MAGED1: variants seen among roughly 807,000 people sequenced by gnomAD.
MAGED1 encodes the protein MAGE family member D1.
A neutral mutation model predicts 54.1 loss-of-function variants in MAGED1; 3 were observed. That is an observed-to-expected ratio of 0.06 (90% CI 0.03 to 0.14). The LOEUF (loss-of-function observed/expected upper bound fraction) is 0.14. Ranked by LOEUF, MAGED1 falls within the 10% of genes least tolerant of loss-of-function variation. The pLI, the probability that MAGED1 is intolerant of heterozygous loss-of-function variation, is 1.00. For missense variants in MAGED1, 485 were observed against 623.4 expected (o/e 0.78, Z 2.36); for synonymous variants, 217 against 227.3 (o/e 0.95, Z 0.41).
intron 1 of MAGED1, among the ~76,000 whole-genome samples, chrX:51,876,905 G>T (rs1602255809): frequency 9.0e-6 from 1 of 111,227 alleles, no homozygotes. Flanking sequence ...GCATGCTTCT[G>T]CCATTAAAAA....
In MAGED1 at chrX:51,898,123, C is replaced by T; in HGVS notation, c.1668C>T (p.Asp556=). 8.3e-7 allele frequency: 1 copy of T among 1,208,892 alleles called. No individual in the cohort carries two copies. The highest frequency in any genetic ancestry group is 1.8e-5 in the South Asian group (1 of 56,837). ...SLAGILGTTK[D]TPKLGLLLVI... ...TTCTATATTCCCTTAGGACCAAAGA[C>T]ACACCCAAGCTCGGTCTCCTCTTGG... The change falls in exon 8 of 13, where the codon GAC becomes GAT. Residue 556 remains aspartate (D), a synonymous_variant. Coordinates refer to ENST00000326587, the MANE Select transcript of MAGED1 (RefSeq NM_006986.4).
chrX:51,869,545 A>AT (rs1240511589), intron 1 of MAGED1, among the ~76,000 whole-genome samples: 9 of 109,944 alleles, frequency 8.2e-5, no homozygotes, highest in South Asian at 7.9e-4. Flanking sequence ...CATTTTTATG[A>AT]TTTTTTTTCA....
chrX:51,806,288 A>T (rs1925032073), intron 1 of MAGED1, among the ~76,000 whole-genome samples: 1 of 111,662 alleles, frequency 9.0e-6, no homozygotes, highest in African/African-American at 3.2e-5. Flanking sequence ...AAGCATTCTC[A>T]CAAAGTGAAC....
chrX:51,857,166 A>G (rs1224312204), intron 1 of MAGED1: 1 of 111,886 alleles, frequency 8.9e-6, no homozygotes, highest in Non-Finnish European at 1.9e-5. Flanking sequence ...GAGGACTCAC[A>G]CCTGAGAATT....
chrX:51,887,376 T>C (rs1557362904), intron 1 of MAGED1, among the ~76,000 whole-genome samples: 1 of 110,806 alleles, frequency 9.0e-6, no homozygotes, highest in East Asian at 2.8e-4. Context: ...AGAACCAGAA[T>C]AATACATAAA....
chrX:51,839,488 T>C (rs1274650287), intron 1 of MAGED1, among the ~76,000 whole-genome samples: 1 of 112,076 alleles, frequency 8.9e-6, no homozygotes, highest in Non-Finnish European at 1.9e-5. Context: ...GCTCTTTTGT[T>C]CTAAGAGAAA....
In MAGED1 at chrX:51,896,413, A is replaced by G. The variant is rs1928749674; in HGVS notation, c.758A>G (p.Asn253Ser). The G allele has an allele frequency of 8.3e-7, 1 of 1,204,003 alleles. No homozygotes were observed. The highest frequency in any genetic ancestry group is 2.3e-4 in the Middle Eastern group (1 of 4,304). The change falls in exon 4 of 13, where the codon AAT becomes AGT. Residue 253 changes from asparagine (N) to serine (S), a missense_variant. Physicochemically the swap from Asn to Ser is conservative, Grantham distance 46 (BLOSUM62 1). This residue lies in a region of MAGED1 where 299 missense variants were observed against 293.1 expected (regional missense o/e 1.02). Coordinates refer to ENST00000326587, the MANE Select transcript of MAGED1 (RefSeq NM_006986.4). ...IIRGKRTRKI[N>S]NLNVEENSSG... is the part of the protein sequence containing the mutation. ...AACTTCTCTCTGATGATGCAGATTAATAACTTGAATGTTGAAGAGAACAGC... is the reference window on the plus strand; with the variant it reads ...AACTTCTCTCTGATGATGCAGATTAGTAACTTGAATGTTGAAGAGAACAGC...
Position 51,895,631 on chromosome X carries a change from C to T in MAGED1, c.624C>T (p.Ser208=). The part of the protein sequence containing the change: ...QNVNQAKMAT[S]QADIETDPGI... ...TAAATCAGGCCAAAATGGCCACTTC[C>T]CAGGCTGACATAGAGACCGACCCAG... is the stretch of plus-strand genomic sequence containing the variant. The change falls in exon 3 of 13, where the codon TCC becomes TCT. Residue 208 remains serine, a synonymous_variant. Transcript: ENST00000326587. 1 of 1,211,013 alleles carries T rather than the reference C, an allele frequency of 8.3e-7. No homozygotes were observed.
upstream of MAGED1, among the ~76,000 whole-genome samples, chrX:51,892,554 G>A (rs1569555997): frequency 8.9e-6 from 1 of 112,153 alleles, no homozygotes; most frequent in Non-Finnish European, 1.9e-5. Flanking sequence ...TGAGCACAGA[G>A]TGGACCCCAA....
chrX:51,818,361 C>A (rs1483411739), intron 1 of MAGED1, among the ~76,000 whole-genome samples: 1 of 111,366 alleles, frequency 9.0e-6, no homozygotes, highest in Non-Finnish European at 1.9e-5. Flanking sequence ...GCTACTGAGG[C>A]CTCTTTGCTA....
chrX:51,826,056 T>C (rs1033431898), intron 1 of MAGED1, among the ~76,000 whole-genome samples: 2 of 112,598 alleles, frequency 1.8e-5, no homozygotes, highest in Admixed American at 1.9e-4. Context: ...GCTAATGTAG[T>C]TCTTTGACAG....
At chrX:51,899,994 G>A in intron 10 of MAGED1, 188 bp from the exon 11 acceptor site, 1 of 406,073 alleles carries the variant, frequency 2.5e-6, no homozygotes, top group Non-Finnish European at 4.3e-6. Context: ...TCTCTAGTGA[G>A]TGCTTAGCGT....
chrX:51,846,279 A>G lies in MAGED1; in HGVS notation c.-37+43162A>G, dbSNP rs576530920. 1.2e-4 allele frequency among the ~76,000 whole-genome samples: 13 copies of G among 112,000 alleles called. No individual in the cohort carries two copies. In the South Asian group the frequency reaches 2.3e-3, roughly 20 times the overall value. ...ACCCAATGTAGTCGCAAAGTTCCTT[A>G]TAAGGGAGGCAGGAGATTTGGAGTC... is the stretch of plus-strand genomic sequence containing the variant. On this transcript the variant is annotated intron_variant, in intron 1 of 12. Transcript: ENST00000375772.
At chrX:51,830,512 T>C (rs1926023134) in intron 1 of MAGED1, among the ~76,000 whole-genome samples, 1 of 99,705 alleles carries the variant, frequency 1.0e-5, no homozygotes, top group Non-Finnish European at 2.1e-5. Flanking sequence ...ATTTCCAAAA[T>C]AACACCAATA....
intron 1 of MAGED1, among the ~76,000 whole-genome samples, chrX:51,874,696 G>A (rs1347592295): frequency 9.0e-6 from 1 of 110,584 alleles, no homozygotes; most frequent in East Asian, 2.8e-4. Context: ...CATGGAAATA[G>A]TTATAATGGC....
chrX:51,816,275 C>T (rs1293171404), intron 1 of MAGED1, among the ~76,000 whole-genome samples: 3 of 110,458 alleles, frequency 2.7e-5, no homozygotes, highest in East Asian at 2.8e-4. Flanking sequence ...CTACCATGCC[C>T]GGCTAATTTT....
intron 1 of MAGED1, among the ~76,000 whole-genome samples, chrX:51,822,855 G>C (rs1242974525): frequency 9.0e-6 from 1 of 111,412 alleles, no homozygotes; most frequent in Non-Finnish European, 1.9e-5. Context: ...TTGGTAGGTT[G>C]TGTTTAAGTT....
chrX:51,888,923 A>G (rs1479741989), upstream of MAGED1, among the ~76,000 whole-genome samples: 1 of 112,093 alleles, frequency 8.9e-6, no homozygotes, highest in Non-Finnish European at 1.9e-5. Flanking sequence ...TGATAAAATT[A>G]TAGAGATGGA....
At position 51,898,101 on chromosome X, in the gene MAGED1, T is replaced by C. The variant is rs201569489; in HGVS notation, c.1659-13T>C. 27 of 1,196,573 alleles carry C rather than the reference T, an allele frequency of 2.3e-5. No homozygotes were observed. The East Asian group carries it at 5.6e-4, about 25-fold the overall frequency. ...ATGGCTACTGAAAATATATTCTTTC[T>C]ATATTCCCTTAGGACCAAAGACACA... On this transcript the variant is annotated splice_polypyrimidine_tract_variant and intron_variant, in intron 7 of 12. Coordinates refer to ENST00000326587, the MANE Select transcript of MAGED1 (RefSeq NM_006986.4).
Sources: allele counts gnomAD v4.1 joint callset (sites outside exome capture counted in the v4.1 genomes callset), GRCh38; gene constraint gnomAD v4.1.1; regional missense constraint gnomAD v4.1.1; transcripts MANE v1.5; gene names NCBI Gene and HGNC (gene_info 2026-07-23, HGNC 2026-07-21).